Variants in ATR observed in about 807,000 individuals in gnomAD.
ATR encodes the protein ATR checkpoint kinase, also known as serine/threonine-protein kinase ATR.
Under a neutral mutation model 305.3 loss-of-function variants are expected in ATR, and 142 were observed. The ratio of observed to expected loss-of-function variants is 0.47; its 90% CI spans 0.41 to 0.53. The LOEUF is 0.53. Among genes scored for constraint, ATR ranks in the 20% least tolerant of loss-of-function variants. The pLI, the probability that ATR is intolerant of heterozygous loss-of-function variation, is 0.00. For synonymous variants in ATR, 1,050 were observed against 1,068.1 expected (o/e 0.98, Z 0.33); for missense variants, 2,135 against 3,133.1 (o/e 0.68, Z 7.60).
chr3:142,471,611 A>G (rs572095265), intron 36 of ATR, among the ~76,000 whole-genome samples: 3 of 152,104 alleles, frequency 2.0e-5, no homozygotes, highest in African/African-American at 2.4e-5. Flanking sequence ...TAAACATTTC[A>G]TTTATTTATT....
chr3:142,516,342 T>G (rs1312022564), intron 24 of ATR, among the ~76,000 whole-genome samples: 5 of 152,152 alleles, frequency 3.3e-5, no homozygotes, highest in Non-Finnish European at 7.4e-5. Flanking sequence ...GTCTAAATAT[T>G]TGTCTTTACT....
chr3:142,512,908 T>C (rs2032650765), intron 26 of ATR, among the ~76,000 whole-genome samples: 1 of 152,168 alleles, frequency 6.6e-6, no homozygotes, highest in Admixed American at 6.5e-5. Flanking sequence ...ATTGTTCTTA[T>C]CTATAATTAA....
At chr3:142,467,830 C>A (rs1258899746) in intron 39 of ATR, 104 bp downstream of exon 39, 5 of 1,336,292 alleles carry the variant, frequency 3.7e-6, no homozygotes, top group Non-Finnish European at 5.2e-6. Flanking sequence ...ATGTGTACAC[C>A]TATAGTTAGA....
rs774212021 is a variant in ATR, at chr3:142,512,412, T to G, written c.4700A>C (p.Gln1567Pro). 2 of 1,613,884 alleles carry G rather than the reference T, an allele frequency of 1.2e-6. No homozygotes were observed. Among genetic ancestry groups the G allele is most frequent in the Non-Finnish European group, 1.7e-6 (2 of 1,179,858 alleles). Residue 1567 changes from glutamine (Q) to proline (P), a missense_variant, in exon 27 of 47, where the codon CAA becomes CCA. Physicochemically the swap from Gln to Pro is moderately conservative, Grantham distance 76. Transcript: ENST00000350721. ...KHDDQHTINTQDIASDLCQLS... is the reference protein window; with the variant it reads ...KHDDQHTINTPDIASDLCQLS... ...TTGACACAGATCAGATGCAATGTCT[T>G]GGGTATTTATGGTATGCTGATCGTC...
intron 34 of ATR, among the ~76,000 whole-genome samples, chr3:142,494,291 C>G (rs1174057537): frequency 1.3e-5 from 2 of 152,020 alleles, no homozygotes; most frequent in Admixed American, 1.3e-4. Flanking sequence ...ACCAATCCCT[C>G]CATGGATATC....
intron 15 of ATR, among the ~76,000 whole-genome samples, chr3:142,548,827 C>T (rs1469343081): frequency 1.3e-5 from 2 of 152,062 alleles, no homozygotes; most frequent in Admixed American, 6.6e-5. Context: ...AATATACAGT[C>T]GAATAATACT....
At chr3:142,464,330 T>C (rs1359654143) in intron 41 of ATR, among the ~76,000 whole-genome samples, 1 of 152,240 alleles carries the variant, frequency 6.6e-6, no homozygotes, top group African/African-American at 2.4e-5. Flanking sequence ...TTTCACTATA[T>C]AGGCCAGGCT....
intron 41 of ATR, among the ~76,000 whole-genome samples, chr3:142,464,445 T>C (rs977584103): frequency 6.6e-6 from 1 of 152,194 alleles, no homozygotes; most frequent in African/African-American, 2.4e-5. Flanking sequence ...TTTTGATAAA[T>C]ATATTAACAC....
chr3:142,458,347 T>C (rs1480593711), intron 44 of ATR, among the ~76,000 whole-genome samples: 1 of 152,214 alleles, frequency 6.6e-6, no homozygotes. Flanking sequence ...TATCTCTGAT[T>C]TGTTCTCAGT....
chr3:142,540,330 A>G (rs753621552), intron 18 of ATR, among the ~76,000 whole-genome samples: 6 of 152,176 alleles, frequency 3.9e-5, no homozygotes, highest in African/African-American at 4.8e-5. Flanking sequence ...AGAAACTATG[A>G]TACATACAAA....
rs772797164 is a variant in ATR at position 142,541,051 on chromosome 3, T to G, written c.3451-17A>C. On this transcript the variant is annotated splice_polypyrimidine_tract_variant and intron_variant, in intron 17 of 46. Transcript: ENST00000350721. Reference sequence around the variant, plus strand: ...GTTCAAGGCCTATAGAGTTAAGTAGTGCTTCAGAGTAAAGCTTATAAACAT... The same window carrying G: ...GTTCAAGGCCTATAGAGTTAAGTAGGGCTTCAGAGTAAAGCTTATAAACAT... 1 of 1,613,254 alleles carries G rather than the reference T, an allele frequency of 6.2e-7. No individual in the cohort carries two copies. The highest frequency in any genetic ancestry group is 1.7e-5 in the Admixed American group (1 of 59,946).
intron 1 of ATR, among the ~76,000 whole-genome samples, chr3:142,570,732 G>A (rs981920293): frequency 6.6e-6 from 1 of 152,202 alleles, no homozygotes; most frequent in East Asian, 1.9e-4. Context: ...TAGTTCTTAT[G>A]TTTAGGTATT....
chr3:142,545,940 T>C (rs66597875), intron 16 of ATR, among the ~76,000 whole-genome samples: 22,188 of 152,096 alleles, frequency 0.15, 1,655 homozygotes, highest in Non-Finnish European at 0.16. Flanking sequence ...TTTGGAATTG[T>C]TTGAGATGCT....
At chr3:142,451,487 AAAG>A in intron 46 of ATR, 2 of 1,476,838 alleles carry the variant, frequency 1.4e-6, no homozygotes, top group South Asian at 2.3e-5. Context: ...ACATCTTACA[AAAG>A]AACACAGACT....
At chr3:142,517,118 C>T (rs976020606) in intron 24 of ATR, among the ~76,000 whole-genome samples, 2 of 151,184 alleles carry the variant, frequency 1.3e-5, no homozygotes, top group Non-Finnish European at 2.9e-5. Context: ...TGAATCATCA[C>T]GCGTATAGTT....
intron 36 of ATR, among the ~76,000 whole-genome samples, chr3:142,479,744 C>G (rs1046283394): frequency 6.6e-6 from 1 of 152,188 alleles, no homozygotes; most frequent in African/African-American, 2.4e-5. Flanking sequence ...TAGATTTGGT[C>G]TTTTCACATA....
intron 21 of ATR, 46 bp from the exon 22 acceptor site, chr3:142,524,245 T>C (rs1188918006): frequency 2.7e-6 from 4 of 1,497,926 alleles, no homozygotes; most frequent in Non-Finnish European, 3.7e-6. Context: ...TTCTACAAAC[T>C]AGTATGTTTT....
intron 10 of ATR, among the ~76,000 whole-genome samples, chr3:142,554,238 TG>T (rs1395190106): frequency 6.6e-6 from 1 of 152,094 alleles, no homozygotes; most frequent in Non-Finnish European, 1.5e-5. Context: ...TTTTTTTTTT[TG>T]ATATAGGGTC....
At chr3:142,546,153 G>A (rs1169181870) in intron 16 of ATR, among the ~76,000 whole-genome samples, 2 of 152,170 alleles carry the variant, frequency 1.3e-5, no homozygotes, top group Non-Finnish European at 2.9e-5. Context: ...GGTAGGAGGA[G>A]AGAGTATGGT....
Sources: allele counts gnomAD v4.1 joint callset (sites outside exome capture counted in the v4.1 genomes callset), GRCh38; gene constraint gnomAD v4.1.1; transcripts MANE v1.5; gene names NCBI Gene and HGNC (gene_info 2026-07-23, HGNC 2026-07-21).